Variants in KHDRBS2 observed in about 807,000 individuals in gnomAD.
KHDRBS2 encodes the protein KH RNA binding domain containing, signal transduction associated 2.
Under a neutral mutation model 44.3 loss-of-function variants are expected in KHDRBS2, and 26 were observed. The ratio of observed to expected loss-of-function variants is 0.59; its 90% CI spans 0.43 to 0.81. The LOEUF (loss-of-function observed/expected upper bound fraction) is 0.81, where lower values mean the gene tolerates loss of function less well. Ranked by LOEUF, KHDRBS2 falls within the 40% of genes least tolerant of loss-of-function variation. The pLI, the probability that KHDRBS2 is intolerant of heterozygous loss-of-function variation, is 0.00. For missense variants in KHDRBS2, 476 were observed against 433.1 expected (o/e 1.10, Z -0.88); for synonymous variants, 194 against 151.1 (o/e 1.28, Z -2.08).
At chr6:61,783,686 C>A (rs1783370243) in intron 6 of KHDRBS2, among the ~76,000 whole-genome samples, 1 of 151,860 alleles carries the variant, frequency 6.6e-6, no homozygotes, top group African/African-American at 2.4e-5. Context: ...AAATTTAGAA[C>A]CCCACCATCT....
chr6:61,606,085 C>G, the KHDRBS2 span, among the ~76,000 whole-genome samples: 1 of 152,190 alleles, frequency 6.6e-6, no homozygotes, highest in African/African-American at 2.4e-5. Flanking sequence ...CCCGCCCCTG[C>G]CAGCCAGAGA....
the KHDRBS2 span, among the ~76,000 whole-genome samples, chr6:61,627,825 A>G: frequency 1.3e-5 from 2 of 152,142 alleles, no homozygotes. Flanking sequence ...TTTCTGAAGT[A>G]TTAATATAAT....
intron 1 of KHDRBS2, among the ~76,000 whole-genome samples, chr6:62,251,178 ATAAC>A (rs1363183674): frequency 3.8e-4 from 58 of 151,902 alleles, no homozygotes; most frequent in African/African-American, 1.4e-3. Flanking sequence ...ATTCTTGAAT[ATAAC>A]TATAAGTTAT....
At chr6:61,897,351 T>A (rs1288847763) in intron 5 of KHDRBS2, among the ~76,000 whole-genome samples, 7 of 152,100 alleles carry the variant, frequency 4.6e-5, no homozygotes, top group African/African-American at 1.2e-4. Flanking sequence ...CTAAGTTTTT[T>A]AAAAATACAT....
chr6:62,168,012 G>A (rs1392528788), intron 2 of KHDRBS2, among the ~76,000 whole-genome samples: 1 of 152,156 alleles, frequency 6.6e-6, no homozygotes, highest in Non-Finnish European at 1.5e-5. Flanking sequence ...ATGGAAAGTT[G>A]CAACCGAGGA....
At chr6:61,835,605 C>G (rs116546900) in intron 6 of KHDRBS2, among the ~76,000 whole-genome samples, 1 of 151,804 alleles carries the variant, frequency 6.6e-6, no homozygotes, top group African/African-American at 2.4e-5. Flanking sequence ...TTCCCAAACC[C>G]TTGAGGAATT....
At chr6:62,011,200 A>T (rs1306441109) in intron 3 of KHDRBS2, among the ~76,000 whole-genome samples, 1 of 152,108 alleles carries the variant, frequency 6.6e-6, no homozygotes, top group East Asian at 1.9e-4. Flanking sequence ...ACATGCTAAA[A>T]CTCAAGGAGC....
intron 6 of KHDRBS2, among the ~76,000 whole-genome samples, chr6:61,750,195 C>A (rs1246350841): frequency 1.3e-5 from 2 of 152,104 alleles, no homozygotes; most frequent in South Asian, 2.1e-4. Flanking sequence ...TTGACAAAAG[C>A]ATCAAAAGAG....
intron 2 of KHDRBS2, among the ~76,000 whole-genome samples, chr6:62,072,147 G>A (rs1395130482): frequency 6.6e-6 from 1 of 152,134 alleles, no homozygotes; most frequent in African/African-American, 2.4e-5. Context: ...CTGTTTGTCT[G>A]TTATTGGTGT....
chr6:62,146,156 C>A (rs1420833508), intron 2 of KHDRBS2, among the ~76,000 whole-genome samples: 1 of 151,836 alleles, frequency 6.6e-6, no homozygotes, highest in African/African-American at 2.4e-5. Context: ...AATTACATTT[C>A]TTCTCTATTC....
At chr6:61,817,871 T>A (rs1789235394) in intron 6 of KHDRBS2, among the ~76,000 whole-genome samples, 1 of 152,064 alleles carries the variant, frequency 6.6e-6, no homozygotes, top group Non-Finnish European at 1.5e-5. Context: ...AGGAAATAAA[T>A]CAAGTGTTGA....
chr6:62,171,924 T>A (rs1036062184), intron 2 of KHDRBS2, among the ~76,000 whole-genome samples: 1 of 152,084 alleles, frequency 6.6e-6, no homozygotes, highest in Admixed American at 6.6e-5. Flanking sequence ...AGGACCTTAA[T>A]AGAATACTAA....
the KHDRBS2 span, among the ~76,000 whole-genome samples, chr6:61,567,889 C>T: frequency 2.6e-5 from 4 of 152,078 alleles, no homozygotes; most frequent in Middle Eastern, 3.4e-3. Context: ...TAGCTGTGAT[C>T]GCCAGGGATG....
intron 2 of KHDRBS2, among the ~76,000 whole-genome samples, chr6:62,057,885 C>G (rs1790656110): frequency 6.6e-6 from 1 of 151,792 alleles, no homozygotes; most frequent in African/African-American, 2.4e-5. Context: ...AGCAACAAAA[C>G]ATAATTGGTG....
At chr6:62,268,463 A>C (rs1400800576) in intron 1 of KHDRBS2, among the ~76,000 whole-genome samples, 1 of 152,084 alleles carries the variant, frequency 6.6e-6, no homozygotes, top group Non-Finnish European at 1.5e-5. Context: ...GGCCGCTAAC[A>C]TGCCCCTGAA....
At chr6:62,189,517 GA>G (rs1824161534) in intron 1 of KHDRBS2, among the ~76,000 whole-genome samples, 1 of 152,010 alleles carries the variant, frequency 6.6e-6, no homozygotes, top group Non-Finnish European at 1.5e-5. Flanking sequence ...GTAACATCAT[GA>G]GACAGAACTT....
At chr6:61,701,352 T>G (rs890234882) in intron 7 of KHDRBS2, among the ~76,000 whole-genome samples, 1 of 151,952 alleles carries the variant, frequency 6.6e-6, no homozygotes, top group Non-Finnish European at 1.5e-5. Context: ...GGTTCAAAAA[T>G]TTGAGGCTTA....
rs772941622 is a variant in KHDRBS2 at position 61,697,273 on chromosome 6, C to T, written c.894-20G>A. 3 of 1,513,648 alleles carry T rather than the reference C, an allele frequency of 2.0e-6. No individual in the cohort carries two copies. Among genetic ancestry groups the T allele is most frequent in the Non-Finnish European group, 2.8e-6 (3 of 1,088,876 alleles). 93.8% of individuals were successfully genotyped at this position (1,513,648 alleles called of 1,614,324 possible). On this transcript the variant is annotated intron_variant, in intron 7 of 8. Coordinates refer to ENST00000281156, the MANE Select transcript of KHDRBS2 (RefSeq NM_152688.4). The stretch of plus-strand genomic sequence containing the variant: ...GGCACACTGCAACAAATTTAGATAG[C>T]AATCAATGTTACTATAACCAGGAAA...
chr6:61,938,047 C>G (rs1811369843), intron 4 of KHDRBS2, among the ~76,000 whole-genome samples: 1 of 152,016 alleles, frequency 6.6e-6, no homozygotes, highest in South Asian at 2.1e-4. Context: ...TCTACAGCCC[C>G]AAGCAATCAA....
Sources: gnomAD v4.1 joint callset for allele counts (sites outside exome capture counted in the v4.1 genomes callset) on GRCh38, gnomAD v4.1.1 for gene constraint, MANE v1.5 for transcripts, NCBI Gene and HGNC (gene_info 2026-07-23, HGNC 2026-07-21) for gene names.